STK17A: variants seen among roughly 807,000 people sequenced by gnomAD.
STK17A encodes serine/threonine-protein kinase 17A.
Under a neutral mutation model 43.7 loss-of-function variants are expected in STK17A, and 26 were observed. That is an observed-to-expected ratio of 0.60 (90% confidence interval 0.44 to 0.83). The LOEUF (loss-of-function observed/expected upper bound fraction) is 0.83. Among genes scored for constraint, STK17A ranks in the 40% least tolerant of loss-of-function variants. The probability of loss-of-function intolerance (pLI) is 0.00; values close to 1 mark genes in which losing one functional copy is unlikely to be tolerated. For missense variants in STK17A, 476 were observed against 511.6 expected (o/e 0.93, Z 0.67); for synonymous variants, 191 against 182.5 (o/e 1.05, Z -0.38).
intron 1 of STK17A, among the ~76,000 whole-genome samples, chr7:43,587,789 T>C (rs1218004815): frequency 6.6e-6 from 1 of 151,662 alleles, no homozygotes; most frequent in Non-Finnish European, 1.5e-5. Flanking sequence ...TTGGGTAATC[T>C]GATACTTTGG....
chr7:43,606,531 CT>C (rs1260421334), intron 2 of STK17A, among the ~76,000 whole-genome samples: 1 of 152,116 alleles, frequency 6.6e-6, no homozygotes, highest in African/African-American at 2.4e-5. Flanking sequence ...TTGTACAAAA[CT>C]TTTTTTGTTA....
rs2084197236 is a variant in STK17A at position 43,623,896 on chromosome 7, T to G, written c.920+8T>G. 6.8e-7 allele frequency: 1 copy of G among 1,479,180 alleles called. No homozygotes were observed. The highest frequency in any genetic ancestry group is 8.9e-7 in the Non-Finnish European group (1 of 1,120,734). 91.6% of individuals were successfully genotyped at this position (1,479,180 alleles called of 1,614,324 possible). A position where few individuals can be genotyped will look rare whatever the true frequency, so the allele number is the denominator to read the frequency against. On this transcript the variant is annotated splice_region_variant and intron_variant, in intron 6 of 6. Transcript: ENST00000319357. Reference sequence around the variant, plus strand: ...TTTAGTTAAGAAACCTGAGTAAGTATTATTTTTATTAGTTTAATATTGAAC... The same window carrying G: ...TTTAGTTAAGAAACCTGAGTAAGTAGTATTTTTATTAGTTTAATATTGAAC...
At chr7:43,592,766 T>C (rs1302955999) in intron 1 of STK17A, among the ~76,000 whole-genome samples, 1 of 151,532 alleles carries the variant, frequency 6.6e-6, no homozygotes, top group Admixed American at 6.6e-5. Context: ...TTCAGGAGGC[T>C]GAGGCATGAG....
At chr7:43,608,513 G>A (rs2082637317) in intron 3 of STK17A, 113 bp downstream of exon 3, 2 of 1,309,756 alleles carry the variant, frequency 1.5e-6, no homozygotes, top group Non-Finnish European at 2.1e-6. Context: ...TAGGTAACAA[G>A]GATATTAGAA....
At chr7:43,588,329 A>T (rs529506043) in intron 1 of STK17A, among the ~76,000 whole-genome samples, 2 of 151,662 alleles carry the variant, frequency 1.3e-5, no homozygotes, top group African/African-American at 4.8e-5. Context: ...CATTTTACAG[A>T]TGAGGAATCC....
intron 3 of STK17A, chr7:43,608,612 A>G (rs773667662): frequency 1.7e-5 from 7 of 420,438 alleles, no homozygotes; most frequent in African/African-American, 6.2e-5. Context: ...AAATAATACA[A>G]TGCCAAAGAA....
chr7:43,583,559 G>C, intron 1 of STK17A, 110 bp downstream of exon 1: 1 of 964,126 alleles, frequency 1.0e-6, no homozygotes, highest in Admixed American at 4.4e-5. Context: ...CGTTGCTGCT[G>C]CCGATAACGC....
intron 2 of STK17A, among the ~76,000 whole-genome samples, chr7:43,607,115 G>C (rs538673274): frequency 1.3e-3 from 202 of 151,016 alleles, no homozygotes; most frequent in South Asian, 6.9e-3. Context: ...TAGAGACAGG[G>C]CTTCTCCATG....
rs1433380430 is a variant in STK17A at position 43,623,605 on chromosome 7, T to C, written c.725T>C (p.Met242Thr). The stretch of plus-strand genomic sequence containing the variant: ...ATTCTTAGTTATGATCCTATAAGCA[T>C]GGCAACAGATATGTGGTAAGAGTTA... ...PEILSYDPISMATDMWSIGVL... is the reference protein window; with the variant it reads ...PEILSYDPISTATDMWSIGVL... Residue 242 changes from methionine (M) to threonine (T), a missense_variant, in exon 5 of 7, where the codon ATG becomes ACG. By Grantham distance (81) the Met-to-Thr change is moderately conservative. Transcript: ENST00000319357. 1 of 1,611,462 alleles carries C rather than the reference T, an allele frequency of 6.2e-7. No individual in the cohort carries two copies. Among genetic ancestry groups the C allele is most frequent in the African/African-American group, 1.3e-5 (1 of 74,846 alleles).
chr7:43,601,998 A>G (rs1160807877), intron 2 of STK17A, among the ~76,000 whole-genome samples: 1 of 152,012 alleles, frequency 6.6e-6, no homozygotes, highest in African/African-American at 2.4e-5. Flanking sequence ...ATATGGAGAA[A>G]TCAAGGCCAT....
chr7:43,624,414 C>T lies in STK17A; in HGVS notation c.921-104C>T, dbSNP rs1439246396. On this transcript the variant is annotated intron_variant, in intron 6 of 6. Coordinates refer to ENST00000319357, the MANE Select transcript of STK17A (RefSeq NM_004760.3). ...GGAATCACAGTAAGATTTTTGCCAACTTGTCAGACTTCCCAAAATATAATG... is the reference window on the plus strand; with the variant it reads ...GGAATCACAGTAAGATTTTTGCCAATTTGTCAGACTTCCCAAAATATAATG... 3 of 1,185,402 alleles carry T rather than the reference C, an allele frequency of 2.5e-6. No individual in the cohort carries two copies. The African/African-American group carries it at 4.7e-5, about 18-fold the overall frequency. The allele number at this position is 1,185,402 out of a possible 1,614,324, so 73.4% of individuals were successfully genotyped here. A position where few individuals can be genotyped will look rare whatever the true frequency, so the allele number is the denominator to read the frequency against.
intron 3 of STK17A, among the ~76,000 whole-genome samples, chr7:43,617,940 T>C (rs1334851582): frequency 6.6e-6 from 1 of 151,904 alleles, no homozygotes; most frequent in African/African-American, 2.4e-5. Context: ...AGATAACATA[T>C]AAACAAGGAA....
chr7:43,612,178 A>G lies in STK17A; in HGVS notation c.564+3778A>G. ...TTTGATGTTGGAAACTGGACTCTCC[A>G]TGTTTCCTCGACCCAGAGGAACTAG... On this transcript the variant is annotated intron_variant, in intron 3 of 6. Coordinates refer to ENST00000319357, the MANE Select transcript of STK17A (RefSeq NM_004760.3). Among the ~76,000 whole-genome samples the G allele has an allele frequency of 1.3e-5, 2 of 152,208 alleles. 1 individual carries two copies. Among genetic ancestry groups the G allele is most frequent in the East Asian group, 3.8e-4 (2 of 5,204 alleles).
intron 3 of STK17A, among the ~76,000 whole-genome samples, chr7:43,618,135 G>A (rs1037062285): frequency 6.6e-5 from 10 of 152,176 alleles, no homozygotes; most frequent in African/African-American, 2.4e-4. Context: ...CAATGTGATG[G>A]AGACAGAAAC....
chr7:43,583,732 T>G (rs1583542806), intron 1 of STK17A, among the ~76,000 whole-genome samples: 1 of 152,092 alleles, frequency 6.6e-6, no homozygotes, highest in African/African-American at 2.4e-5. Flanking sequence ...TCTGTGGCGT[T>G]TCGAATGGCT....
At chr7:43,609,996 T>C (rs2082705295) in intron 3 of STK17A, among the ~76,000 whole-genome samples, 1 of 152,184 alleles carries the variant, frequency 6.6e-6, no homozygotes, top group African/African-American at 2.4e-5. Context: ...AAGTTTCTGA[T>C]TCAGGGTAGG....
chr7:43,619,449 A>C (rs868287523), intron 3 of STK17A, 148 bp from the exon 4 acceptor site: 63 of 1,062,726 alleles, frequency 5.9e-5, no homozygotes, highest in Middle Eastern at 5.8e-4. Flanking sequence ...ATAGGCAATA[A>C]ATTGTAAAAA....
At chr7:43,590,692 A>G (rs1000124924) in intron 1 of STK17A, among the ~76,000 whole-genome samples, 3 of 151,556 alleles carry the variant, frequency 2.0e-5, no homozygotes, top group Non-Finnish European at 4.4e-5. Flanking sequence ...TAGATGTGCA[A>G]CAAACATCTT....
At chr7:43,605,503 A>G (rs2082582747) in intron 2 of STK17A, among the ~76,000 whole-genome samples, 1 of 152,054 alleles carries the variant, frequency 6.6e-6, no homozygotes, top group South Asian at 2.1e-4. Flanking sequence ...CAGCCTTATA[A>G]TTTTCCAGAG....
Sources: allele counts gnomAD v4.1 joint callset (sites outside exome capture counted in the v4.1 genomes callset), GRCh38; gene constraint gnomAD v4.1.1; transcripts MANE v1.5; gene names NCBI Gene and HGNC (gene_info 2026-07-23, HGNC 2026-07-21).